Variants in CD2AP observed in about 807,000 individuals in gnomAD.
The protein encoded by CD2AP is CD2-associated protein.
CD2AP carries 46 observed loss-of-function variants against 85.1 expected under a neutral mutation model. The ratio of observed to expected loss-of-function variants is 0.54; its 90% confidence interval spans 0.43 to 0.69. The LOEUF (loss-of-function observed/expected upper bound fraction) is 0.69. Among genes scored for constraint, CD2AP ranks in the 30% least tolerant of loss-of-function variants. The pLI is 0.00. For missense variants in CD2AP, 769 were observed against 729.5 expected (o/e 1.05, Z -0.62); for synonymous variants, 255 against 252.9 (o/e 1.01, Z -0.08).
intron 1 of CD2AP, among the ~76,000 whole-genome samples, chr6:47,490,462 A>G (rs1025506572): frequency 2.6e-5 from 4 of 151,888 alleles, no homozygotes; most frequent in Non-Finnish European, 4.4e-5. Flanking sequence ...TGTTTTCTTG[A>G]AGTTAATAGT....
At chr6:47,514,183 A>G (rs1331088155) in intron 2 of CD2AP, among the ~76,000 whole-genome samples, 1 of 152,012 alleles carries the variant, frequency 6.6e-6, no homozygotes. Flanking sequence ...TAGCTGTAAA[A>G]TTTTCATTTT....
chr6:47,580,967 G>C (rs1768462671), intron 10 of CD2AP, 67 bp downstream of exon 10: 1 of 1,067,832 alleles, frequency 9.4e-7, no homozygotes, highest in Non-Finnish European at 1.5e-6. Flanking sequence ...TGGTAAAATT[G>C]GATCTAATGC....
At chr6:47,622,629 T>C (rs911523515) in intron 17 of CD2AP, among the ~76,000 whole-genome samples, 5 of 152,316 alleles carry the variant, frequency 3.3e-5, no homozygotes, top group African/African-American at 1.2e-4. Flanking sequence ...GCGGGGTGTG[T>C]GTTCGGGAGA....
chr6:47,603,271 A>G (rs1769191153), intron 13 of CD2AP, among the ~76,000 whole-genome samples: 1 of 152,076 alleles, frequency 6.6e-6, no homozygotes, highest in African/African-American at 2.4e-5. Flanking sequence ...ATTGAGTCAT[A>G]TTTTTATAGT....
At chr6:47,498,886 TAACA>T (rs1765933068) in intron 1 of CD2AP, among the ~76,000 whole-genome samples, 1 of 152,218 alleles carries the variant, frequency 6.6e-6, no homozygotes, top group South Asian at 2.1e-4. Context: ...TGTGTATTTT[TAACA>T]AACCAGGACC....
rs2114172717 is a variant in CD2AP at position 47,626,731 on chromosome 6, T to A, written c.*2504T>A. On this transcript the variant is annotated 3_prime_UTR_variant, in exon 18 of 18. Transcript: ENST00000359314. ...GCTCCTTACTGTGATCACAGAAAAA[T>A]TAAAAATCCAAGTGCTCTCTAGATT... 1 of 152,448 alleles carries A rather than the reference T, an allele frequency of 6.6e-6. No homozygotes were observed. The highest frequency in any genetic ancestry group is 6.5e-5 in the Admixed American group (1 of 15,284). 9.4% of individuals were successfully genotyped at this position (152,448 alleles called of 1,614,324 possible). A position where few individuals can be genotyped will look rare whatever the true frequency, so the allele number is the denominator to read the frequency against.
At chr6:47,553,632 C>T (rs1333649479) in intron 4 of CD2AP, among the ~76,000 whole-genome samples, 4 of 150,890 alleles carry the variant, frequency 2.7e-5, no homozygotes, top group Non-Finnish European at 4.4e-5. Context: ...TTCCAAAGCG[C>T]TGGGATTATA....
At chr6:47,619,191 C>T (rs777582601) in intron 17 of CD2AP, among the ~76,000 whole-genome samples, 2 of 152,158 alleles carry the variant, frequency 1.3e-5, no homozygotes, top group Non-Finnish European at 2.9e-5. Flanking sequence ...GTATATACTG[C>T]ACCACGTTCG....
chr6:47,490,663 A>G (rs1034714349), intron 1 of CD2AP, among the ~76,000 whole-genome samples: 8 of 152,194 alleles, frequency 5.3e-5, no homozygotes, highest in Middle Eastern at 3.4e-3. Context: ...TTTGTTTTTT[A>G]AACTTTGATT....
intron 4 of CD2AP, among the ~76,000 whole-genome samples, chr6:47,545,569 G>A (rs767998598): frequency 2.6e-5 from 4 of 152,110 alleles, no homozygotes; most frequent in African/African-American, 4.8e-5. Context: ...GCATTAAACA[G>A]CCAGAGCTAA....
intron 1 of CD2AP, chr6:47,489,065 T>C (rs1484784427): frequency 6.6e-6 from 1 of 152,170 alleles, no homozygotes; most frequent in Non-Finnish European, 1.5e-5. Flanking sequence ...TAAAAATCTT[T>C]AGGTTGGTCC....
At chr6:47,612,568 G>A in intron 17 of CD2AP, 32 bp downstream of exon 17, 1 of 1,476,920 alleles carries the variant, frequency 6.8e-7, no homozygotes, top group South Asian at 1.1e-5. Flanking sequence ...TGAGAGTTTA[G>A]TGAGCATAAA....
chr6:47,533,475 G>T, intron 2 of CD2AP, 127 bp from the exon 3 acceptor site: 1 of 900,416 alleles, frequency 1.1e-6, no homozygotes, highest in South Asian at 1.6e-5. Context: ...CAGAGCAAAG[G>T]TTGGAAACTA....
intron 11 of CD2AP, among the ~76,000 whole-genome samples, chr6:47,587,185 G>C (rs566154768): frequency 6.6e-6 from 1 of 152,238 alleles, no homozygotes; most frequent in South Asian, 2.1e-4. Flanking sequence ...AATTTGAAGC[G>C]TCTTAAGCCT....
chr6:47,528,798 A>G (rs987574686), intron 2 of CD2AP, among the ~76,000 whole-genome samples: 4 of 152,178 alleles, frequency 2.6e-5, no homozygotes, highest in Non-Finnish European at 5.9e-5. Flanking sequence ...TAGGGAATCT[A>G]GGAGAGATCA....
chr6:47,579,996 T>A (rs1768429247), intron 9 of CD2AP: 1 of 160,934 alleles, frequency 6.2e-6, no homozygotes, highest in Non-Finnish European at 1.3e-5. Context: ...TGGTCCCTTT[T>A]CCCCATGGAT....
intron 16 of CD2AP, among the ~76,000 whole-genome samples, chr6:47,610,713 C>T (rs1769405102): frequency 6.6e-6 from 1 of 151,430 alleles, no homozygotes; most frequent in Non-Finnish European, 1.5e-5. Flanking sequence ...TTCTTGGAAT[C>T]CTTCAGTTTA....
intron 3 of CD2AP, among the ~76,000 whole-genome samples, chr6:47,537,603 A>G (rs1436186514): frequency 2.0e-5 from 3 of 152,148 alleles, no homozygotes; most frequent in African/African-American, 7.2e-5. Context: ...GAATCAGTTG[A>G]AAGTATGCTA....
chr6:47,489,324 C>T (rs892575635), intron 1 of CD2AP, among the ~76,000 whole-genome samples: 2 of 152,032 alleles, frequency 1.3e-5, no homozygotes, highest in Non-Finnish European at 2.9e-5. Flanking sequence ...CCTGCTACCA[C>T]GCCTGACTAA....
Sources: allele counts gnomAD v4.1 joint callset (sites outside exome capture counted in the v4.1 genomes callset), GRCh38; gene constraint gnomAD v4.1.1; transcripts MANE v1.5; gene names NCBI Gene and HGNC (gene_info 2026-07-23, HGNC 2026-07-21).